TNRC18: variants seen among roughly 807,000 people sequenced by gnomAD.
The protein encoded by TNRC18 is trinucleotide repeat-containing gene 18 protein.
A neutral mutation model predicts 226.7 loss-of-function variants in TNRC18; 69 were observed. The observed-to-expected ratio is 0.30, with a 90% confidence interval of 0.25 to 0.37. The LOEUF (loss-of-function observed/expected upper bound fraction) is 0.37, where lower values mean the gene tolerates loss of function less well. Ranked by LOEUF, TNRC18 falls within the 10% of genes least tolerant of loss-of-function variation. TNRC18 has a pLI of 1.00. For synonymous variants in TNRC18, 2,449 were observed against 1,927.6 expected, an observed-to-expected ratio of 1.27 and a Z score of -7.09; for missense variants, 4,754 against 4,256.6, an observed-to-expected ratio of 1.12 and a Z score of -3.25.
rs780105173 is a variant in TNRC18 at position 5,307,756 on chromosome 7, G to A, written c.*350C>T. 3.8e-4 allele frequency: 144 copies of A among 375,896 alleles called. No homozygotes were observed. The highest frequency in any genetic ancestry group is 6.3e-4 in the Non-Finnish European group (124 of 195,520). The allele number at this position is 375,896 out of a possible 1,614,324, so 23.3% of individuals were successfully genotyped here. A position where few individuals can be genotyped will look rare whatever the true frequency, so the allele number is the denominator to read the frequency against. ...CGAATCCCCAGTCTGCATGGACCTG[G>A]GGGCACCCGGGCCCCCACGCAGCAG... On this transcript the variant is annotated 3_prime_UTR_variant, in exon 30 of 30. Transcript: ENST00000430969.
In TNRC18 at chr7:5,421,275, C is replaced by G. The variant is rs561411749; in HGVS notation, c.-29G>C. ...CCGCGGGAGTGCCGCGATCAGCCCC[C>G]CACCCGGCCCGCAGGCCTAGCTCAG... On this transcript the variant is annotated 5_prime_UTR_variant, in exon 2 of 30. Coordinates refer to ENST00000430969, the MANE Select transcript of TNRC18 (RefSeq NM_001080495.3). 3.9e-6 allele frequency: 5 copies of G among 1,273,414 alleles called. No homozygotes were observed. The African/African-American group carries it at 7.8e-5, about 20-fold the overall frequency. The allele number at this position is 1,273,414 out of a possible 1,614,324, so 78.9% of individuals were successfully genotyped here.
At chr7:5,400,172 C>T (rs1242657648) in intron 2 of TNRC18, among the ~76,000 whole-genome samples, 2 of 152,136 alleles carry the variant, frequency 1.3e-5, no homozygotes, top group Non-Finnish European at 2.9e-5. Context: ...GCTGGGATGA[C>T]AGACCTGAGC....
At chr7:5,355,430 C>G (rs977276283) in intron 16 of TNRC18, among the ~76,000 whole-genome samples, 13 of 152,102 alleles carry the variant, frequency 8.5e-5, no homozygotes, top group Admixed American at 3.9e-4. Context: ...GAGTTTAAGA[C>G]CAGCATGGGC....
At position 5,371,125 on chromosome 7, in the gene TNRC18, C is replaced by T. The variant is rs777770440; in HGVS notation, c.3469G>A (p.Glu1157Lys). The change falls in exon 11 of 30, where the codon GAG (glutamate) becomes AAG (lysine). Residue 1157 changes from glutamate (E) to lysine (K), a missense_variant. By Grantham distance (56) the Glu-to-Lys change is moderately conservative. Transcript: ENST00000430969. ...ATGTCCTCCACCTCTGCCTTCACCT[C>T]CCGCTCAGCCAGCGGTTCTTCCTCC... ...GPEEEPLAER[E>K]VKAEVEDMDE... 2.5e-6 allele frequency: 4 copies of T among 1,611,840 alleles called. No homozygotes were observed. Among genetic ancestry groups the T allele is most frequent in the Non-Finnish European group, 3.4e-6 (4 of 1,178,918 alleles).
intron 2 of TNRC18, among the ~76,000 whole-genome samples, chr7:5,417,613 C>G (rs114634665): frequency 2.8e-4 from 42 of 152,308 alleles, no homozygotes; most frequent in African/African-American, 9.6e-4. Flanking sequence ...GGGACCCGAG[C>G]GGTGCCTGGC....
Position 5,357,123 on chromosome 7 carries a change from C to G in TNRC18, c.4987G>C (p.Gly1663Arg). ...CTGTCGTAAGGAGTCAAGTACCTGC[C>G]GCAGCCCCCGCTAGTTTTCGATTTC... ...GGKSKTSGGC[G>R]RYLTPYDSLL... Residue 1663 changes from glycine (G) to arginine (R), a missense_variant, in exon 16 of 30, where the codon GGC (glycine) becomes CGC (arginine). By Grantham distance (125) the Gly-to-Arg change is moderately radical (BLOSUM62 -2). Coordinates refer to ENST00000430969, the MANE Select transcript of TNRC18 (RefSeq NM_001080495.3). 1 of 1,555,406 alleles carries G rather than the reference C, an allele frequency of 6.4e-7. No individual in the cohort carries two copies. The highest frequency in any genetic ancestry group is 8.7e-7 in the Non-Finnish European group (1 of 1,148,796).
intron 17 of TNRC18, among the ~76,000 whole-genome samples, chr7:5,348,652 G>T (rs1420339293): frequency 1.3e-5 from 2 of 150,636 alleles, no homozygotes; most frequent in Non-Finnish European, 3.0e-5. Flanking sequence ...GGAGTAGAGG[G>T]AGGGAGGGAG....
Position 5,377,349 on chromosome 7 carries a change from A to T in TNRC18, c.2461+22T>A. ...CCACCCCTCCCTCAGAGAAGGGGAG[A>T]GACCCTGTGCCCCACACTCACCGTA... On this transcript the variant is annotated intron_variant, in intron 7 of 29. Transcript: ENST00000430969. This position sits in a 1 kb window ranked among gnomAD's most constrained non-coding sequence, Gnocchi z 5.8. 1 of 646,856 alleles carries T rather than the reference A, an allele frequency of 1.5e-6. No homozygotes were observed. The allele number at this position is 646,856 out of a possible 1,614,324, so 40.1% of individuals were successfully genotyped here. A position where few individuals can be genotyped will look rare whatever the true frequency, so the allele number is the denominator to read the frequency against.
chr7:5,403,441 T>A (rs1443849565), intron 2 of TNRC18, among the ~76,000 whole-genome samples: 1 of 152,112 alleles, frequency 6.6e-6, no homozygotes, highest in East Asian at 1.9e-4. Context: ...ATTACAGGCG[T>A]GAGCCACCAT....
intron 11 of TNRC18, among the ~76,000 whole-genome samples, chr7:5,363,809 T>C (rs780573313): frequency 2.0e-5 from 3 of 151,652 alleles, no homozygotes; most frequent in Non-Finnish European, 4.4e-5. Flanking sequence ...ATAGCTCTTA[T>C]AATCAGAAAA....
chr7:5,382,856 G>C (rs1779493269), intron 5 of TNRC18, among the ~76,000 whole-genome samples: 1 of 152,130 alleles, frequency 6.6e-6, no homozygotes, highest in Non-Finnish European at 1.5e-5. Context: ...ACCTCATGGA[G>C]CTGTCTGTTC....
Position 5,325,090 on chromosome 7 carries a change from C to T in TNRC18, c.6300+6G>A. 1 of 1,549,786 alleles carries T rather than the reference C, an allele frequency of 6.5e-7. No homozygotes were observed. Among genetic ancestry groups the T allele is most frequent in the Non-Finnish European group, 8.7e-7 (1 of 1,146,994 alleles). On this transcript the variant is annotated splice_donor_region_variant and intron_variant, in intron 20 of 29. Transcript: ENST00000430969. ...CAGCCCCCAACCAGGGCACGGTGAG[C>T]CTCACCTCCTTCTTCACCTCCTTCC...
chr7:5,389,471 T>TTTTTTTTTC lies in TNRC18; in HGVS notation c.488-136_488-135insGAAAAAAAA, dbSNP rs549108764. 2.4e-4 allele frequency: 222 copies of TTTTTTTTTC among 926,948 alleles called. 5 individuals carry two copies. Among genetic ancestry groups the TTTTTTTTTC allele is most frequent in the East Asian group, 2.0e-3 (42 of 21,080 alleles). 57.4% of individuals were successfully genotyped at this position (926,948 alleles called of 1,614,324 possible). The stretch of plus-strand genomic sequence containing the variant: ...AGTGTTTTGGTTTTGGTTTTTTTTT[T>TTTTTTTTTC]CAGAAAGAGTCTCGCTCTCCTCACC... On this transcript the variant is annotated intron_variant, in intron 4 of 29. Transcript: ENST00000430969.
Position 5,394,457 on chromosome 7 carries a change from G to A in TNRC18, c.326C>T (p.Ala109Val), listed in dbSNP as rs762174952. 1 of 1,550,762 alleles carries A rather than the reference G, an allele frequency of 6.4e-7. No individual in the cohort carries two copies. Among genetic ancestry groups the A allele is most frequent in the South Asian group, 1.2e-5 (1 of 83,836 alleles). Residue 109 changes from alanine to valine, a missense_variant, in exon 3 of 30, where the codon GCC (alanine) becomes GTC (valine). Physicochemically the swap from Ala to Val is moderately conservative, Grantham distance 64. Coordinates refer to ENST00000430969, the MANE Select transcript of TNRC18 (RefSeq NM_001080495.3). This position sits in a 1 kb window ranked among gnomAD's most constrained non-coding sequence, Gnocchi z 4.5. ...PSNLPMVQLWAAHAHEGFSHL... is the reference protein window; with the variant it reads ...PSNLPMVQLWVAHAHEGFSHL... Reference sequence around the variant, plus strand: ...TTCCTTACCTTCATGGGCGTGGGCGGCCCACAGCTGCACCATGGGCAGGTT... The same window carrying A: ...TTCCTTACCTTCATGGGCGTGGGCGACCCACAGCTGCACCATGGGCAGGTT...
intron 10 of TNRC18, among the ~76,000 whole-genome samples, chr7:5,372,186 C>T (rs1259475424): frequency 6.6e-6 from 1 of 152,010 alleles, no homozygotes; most frequent in Non-Finnish European, 1.5e-5. Flanking sequence ...TCCTACCTCA[C>T]CCTCCCAAGT....
Position 5,385,493 on chromosome 7 carries a change from T to A in TNRC18, c.2152+2179A>T, listed in dbSNP as rs1437494876. Among the ~76,000 whole-genome samples, 4 of 21,490 alleles carry A rather than the reference T, an allele frequency of 1.9e-4. No individual in the cohort carries two copies. The Admixed American group carries it at 2.4e-3, about 13-fold the overall frequency. The allele number at this position is 21,490 out of a possible 152,430, so 14.1% of individuals were successfully genotyped here. On this transcript the variant is annotated intron_variant, in intron 5 of 29. Coordinates refer to ENST00000430969, the MANE Select transcript of TNRC18 (RefSeq NM_001080495.3). ...CTGGGCGACAGAGCGAGACTCCGTC[T>A]CAAAAAAAAAAAAAAAAAAAAAAAG...
chr7:5,330,092 C>T, intron 19 of TNRC18: 1 of 413,206 alleles, frequency 2.4e-6, no homozygotes, highest in Non-Finnish European at 5.0e-6. Flanking sequence ...CCAACACACC[C>T]AGCTAATTTT....
rs1792592359 is a variant in TNRC18, at chr7:5,357,698, A to G, written c.4834-422T>C. On this transcript the variant is annotated intron_variant, in intron 15 of 29. Coordinates refer to ENST00000430969, the MANE Select transcript of TNRC18 (RefSeq NM_001080495.3). Reference sequence around the variant, plus strand: ...GAGCTGGGGTTTCATCATGTTGCCCAGGCTGGTCTCAAACTTTTAGGCTCA... The same window carrying G: ...GAGCTGGGGTTTCATCATGTTGCCCGGGCTGGTCTCAAACTTTTAGGCTCA... 2.0e-5 allele frequency among the ~76,000 whole-genome samples: 3 copies of G among 152,288 alleles called. No homozygotes were observed. In the South Asian group the frequency reaches 6.2e-4, roughly 32 times the overall value.
intron 18 of TNRC18, among the ~76,000 whole-genome samples, chr7:5,338,465 G>T (rs1470426056): frequency 2.6e-5 from 4 of 151,988 alleles, no homozygotes; most frequent in African/African-American, 9.7e-5. Flanking sequence ...GATAAAAGGG[G>T]CCAGGCGTCG....
Sources: gnomAD v4.1 joint callset for allele counts (sites outside exome capture counted in the v4.1 genomes callset) on GRCh38, gnomAD v4.1.1 for gene constraint, Gnocchi (gnomAD v3.1) non-coding constraint, MANE v1.5 for transcripts, NCBI Gene and HGNC (gene_info 2026-07-23, HGNC 2026-07-21) for gene names.